OAF: variants seen among roughly 807,000 people sequenced by gnomAD.
OAF encodes out at first protein homolog.
OAF carries 13 observed loss-of-function variants against 22.5 expected under a neutral mutation model. That is an observed-to-expected ratio of 0.58 (90% CI 0.38 to 0.92). OAF has a LOEUF of 0.92. Ranked by LOEUF, OAF falls within the 40% of genes least tolerant of loss-of-function variation. The probability of loss-of-function intolerance (pLI) is 0.00; values close to 1 mark genes in which losing one functional copy is unlikely to be tolerated. For missense variants in OAF, 347 were observed against 381.8 expected (o/e 0.91, Z 0.76); for synonymous variants, 175 against 170.5 (o/e 1.03, Z -0.21).
chr11:120,226,967 A>C lies in OAF; in HGVS notation c.518A>C (p.Gln173Pro). The stretch of plus-strand genomic sequence containing the variant: ...GCCGTGGATGCCATCTACACCCGCC[A>C]GGAGGATGTCCGGTTCTGGCTGGAG... ...AEAVDAIYTR[Q>P]EDVRFWLEQG... The change falls in exon 3 of 4, where the codon CAG becomes CCG. Residue 173 changes from glutamine (Q) to proline (P), a missense_variant. By Grantham distance (76) the Gln-to-Pro change is moderately conservative. Coordinates refer to ENST00000328965, the MANE Select transcript of OAF (RefSeq NM_178507.4). 1.2e-6 allele frequency: 2 copies of C among 1,602,982 alleles called. No homozygotes were observed. Among genetic ancestry groups the C allele is most frequent in the Non-Finnish European group, 1.7e-6 (2 of 1,171,090 alleles).
chr11:120,225,726 C>T lies in OAF; in HGVS notation c.297C>T (p.Ala99=). The change falls in exon 2 of 4, where the codon GCC becomes GCT. Residue 99 remains alanine, a synonymous_variant. Transcript: ENST00000328965. ...AGAAGGGGCAGAGTCAGTTCCAGGC[C>T]CTCTGCTTTGTCACCCAGCTGCAGC... ...ELEKGQSQFQ[A]LCFVTQLQHN... 6.2e-7 allele frequency: 1 copy of T among 1,605,842 alleles called. No individual in the cohort carries two copies. The highest frequency in any genetic ancestry group is 1.1e-5 in the South Asian group (1 of 90,240).
In OAF at chr11:120,227,005, G is replaced by A. The variant is rs377251120; in HGVS notation, c.547+9G>A. The A allele has an allele frequency of 6.3e-7, 1 of 1,585,522 alleles. No homozygotes were observed. The highest frequency in any genetic ancestry group is 1.1e-5 in the South Asian group (1 of 88,704). On this transcript the variant is annotated intron_variant, in intron 3 of 3. Transcript: ENST00000328965. The stretch of plus-strand genomic sequence containing the variant: ...GTTCTGGCTGGAGCAAGGTCAGCTG[G>A]GAGCTGGGCACTGCCCGCTGCTGGG...
chr11:120,226,543 C>T (rs1938359231), intron 2 of OAF, among the ~76,000 whole-genome samples: 1 of 152,260 alleles, frequency 6.6e-6, no homozygotes, highest in Non-Finnish European at 1.5e-5. Flanking sequence ...CTCCCATCCA[C>T]ACCTCAGCAT....
intron 3 of OAF, among the ~76,000 whole-genome samples, chr11:120,227,555 G>C (rs573435421): frequency 6.6e-6 from 1 of 152,168 alleles, no homozygotes; most frequent in African/African-American, 2.4e-5. Flanking sequence ...TCAGCTTCAG[G>C]CCCTCCCTGG....
intron 3 of OAF, 97 bp from the exon 4 acceptor site, chr11:120,228,771 A>G: frequency 1.1e-6 from 1 of 945,552 alleles, no homozygotes; most frequent in Non-Finnish European, 1.6e-6. Context: ...GTGGGATGAC[A>G]GAGGAGACCA....
At chr11:120,226,118 A>T (rs1179050552) in intron 2 of OAF, among the ~76,000 whole-genome samples, 4 of 152,086 alleles carry the variant, frequency 2.6e-5, no homozygotes, top group Non-Finnish European at 5.9e-5. Context: ...GATTTCTCCC[A>T]TCTGGTTCCA....
At chr11:120,221,265 G>T (rs936318674) in intron 1 of OAF, among the ~76,000 whole-genome samples, 3 of 152,204 alleles carry the variant, frequency 2.0e-5, no homozygotes, top group African/African-American at 4.8e-5. Context: ...GTTTGTGAAG[G>T]CCCTGCCCCA....
Position 120,227,007 on chromosome 11 carries a change from A to AGCTGGGC in OAF, c.547+12_547+18dup. ...TCTGGCTGGAGCAAGGTCAGCTGGG[A>AGCTGGGC]GCTGGGCACTGCCCGCTGCTGGGCG... On this transcript the variant is annotated intron_variant, in intron 3 of 3. Transcript: ENST00000328965. The AGCTGGGC allele has an allele frequency of 1.3e-6, 2 of 1,583,772 alleles. No individual in the cohort carries two copies. The highest frequency in any genetic ancestry group is 4.5e-5 in the East Asian group (2 of 44,110).
At chr11:120,219,900 C>T (rs926564441) in intron 1 of OAF, among the ~76,000 whole-genome samples, 9 of 152,146 alleles carry the variant, frequency 5.9e-5, no homozygotes, top group African/African-American at 1.2e-4. Flanking sequence ...CAGGCAAGGC[C>T]GAGAAGAAAG....
At chr11:120,228,420 A>G (rs1017742268) in intron 3 of OAF, among the ~76,000 whole-genome samples, 2 of 152,026 alleles carry the variant, frequency 1.3e-5, no homozygotes, top group African/African-American at 4.8e-5. Context: ...TTGACTTCCA[A>G]CCTTGTCTCC....
At chr11:120,228,825 T>TACCAAACCACCC in intron 3 of OAF, 43 bp from the exon 4 acceptor site, 1 of 434,174 alleles carries the variant, frequency 2.3e-6, no homozygotes, top group Middle Eastern at 6.3e-4. Flanking sequence ...GCTCCTTCCC[T>TACCAAACCACCC]CCCTCCCTCC....
In OAF at chr11:120,229,327, A is replaced by T. The variant is rs1463577748; in HGVS notation, c.*185A>T. 1 of 610,272 alleles carries T rather than the reference A, an allele frequency of 1.6e-6. No individual in the cohort carries two copies. Among genetic ancestry groups the T allele is most frequent in the African/African-American group, 1.9e-5 (1 of 53,766 alleles). 37.8% of individuals were successfully genotyped at this position (610,272 alleles called of 1,614,324 possible). On this transcript the variant is annotated 3_prime_UTR_variant, in exon 4 of 4. Coordinates refer to ENST00000328965, the MANE Select transcript of OAF (RefSeq NM_178507.4). The stretch of plus-strand genomic sequence containing the variant: ...GGGGTGTGGCATGGCAGGGGGTCTC[A>T]TGAAGGCACCCCCATTCCCACCCTG...
chr11:120,223,998 G>GCCT (rs1938319231), intron 1 of OAF, among the ~76,000 whole-genome samples: 1 of 152,216 alleles, frequency 6.6e-6, no homozygotes, highest in African/African-American at 2.4e-5. Flanking sequence ...GGGAAGATCA[G>GCCT]ATAGCCCAGG....
chr11:120,215,988 G>T (rs1270198841), intron 1 of OAF, among the ~76,000 whole-genome samples: 2 of 152,274 alleles, frequency 1.3e-5, no homozygotes, highest in Middle Eastern at 3.4e-3. Flanking sequence ...GATCCTGAAG[G>T]CCCACAGCTG....
At chr11:120,222,661 C>T (rs190396176) in intron 1 of OAF, among the ~76,000 whole-genome samples, 1 of 152,252 alleles carries the variant, frequency 6.6e-6, no homozygotes, top group East Asian at 1.9e-4. Context: ...CGCCTGTAAT[C>T]CCAACACTTT....
chr11:120,215,388 A>G (rs1374254445), intron 1 of OAF, among the ~76,000 whole-genome samples: 1 of 152,144 alleles, frequency 6.6e-6, no homozygotes, highest in African/African-American at 2.4e-5. Flanking sequence ...CCACTGGCGC[A>G]GTTGCTCTAG....
chr11:120,223,690 G>A (rs1392939003), intron 1 of OAF, among the ~76,000 whole-genome samples: 1 of 152,220 alleles, frequency 6.6e-6, no homozygotes, highest in Non-Finnish European at 1.5e-5. Flanking sequence ...GTCAGGTGAT[G>A]TCACCAAGCA....
chr11:120,225,953 C>G (rs1412767946), intron 2 of OAF, among the ~76,000 whole-genome samples, 158 bp downstream of exon 2: 1 of 152,154 alleles, frequency 6.6e-6, no homozygotes, highest in Non-Finnish European at 1.5e-5. Flanking sequence ...AGCCTCCCAC[C>G]CAGCTCCTCA....
At chr11:120,228,840 C>T (rs1030584867) in intron 3 of OAF, 28 bp from the exon 4 acceptor site, 3 of 1,286,026 alleles carry the variant, frequency 2.3e-6, no homozygotes, top group Admixed American at 1.8e-5. Context: ...CCCTCCCTCC[C>T]TCCCTGATCC....
Sources: gnomAD v4.1 joint callset for allele counts (sites outside exome capture counted in the v4.1 genomes callset) on GRCh38, gnomAD v4.1.1 for gene constraint, MANE v1.5 for transcripts, NCBI Gene and HGNC (gene_info 2026-07-23, HGNC 2026-07-21) for gene names.